Variants in SLCO3A1 observed in about 807,000 individuals in gnomAD.
SLCO3A1 encodes the protein PGE1 transporter.
In SLCO3A1, 27 loss-of-function variants were observed where a neutral mutation model predicts 63.1. The ratio of observed to expected loss-of-function variants is 0.43; its 90% CI spans 0.32 to 0.59. SLCO3A1 has a LOEUF of 0.59. Ranked by LOEUF, SLCO3A1 falls within the 20% of genes least tolerant of loss-of-function variation. The pLI is 0.09. For missense variants in SLCO3A1, 773 were observed against 945.8 expected (o/e 0.82, Z 2.40); for synonymous variants, 473 against 409.9 (o/e 1.15, Z -1.86).
At chr15:92,029,527 T>C (rs1053924682) in intron 2 of SLCO3A1, among the ~76,000 whole-genome samples, 1 of 152,196 alleles carries the variant, frequency 6.6e-6, no homozygotes, top group Admixed American at 6.5e-5. Context: ...TTTTGAAAAA[T>C]GTTTGTTTTC....
At chr15:91,943,369 G>A (rs565933016) in intron 2 of SLCO3A1, among the ~76,000 whole-genome samples, 1 of 152,238 alleles carries the variant, frequency 6.6e-6, no homozygotes, top group East Asian at 1.9e-4. Context: ...ACTTCACTTA[G>A]TATCATGTCC....
intron 2 of SLCO3A1, among the ~76,000 whole-genome samples, chr15:92,068,624 T>C (rs544044038): frequency 6.6e-6 from 1 of 152,316 alleles, no homozygotes; most frequent in Admixed American, 6.5e-5. Flanking sequence ...CCAGTCACTT[T>C]GATCAAGACA....
At chr15:91,986,383 C>T (rs1472771035) in intron 2 of SLCO3A1, among the ~76,000 whole-genome samples, 1 of 152,140 alleles carries the variant, frequency 6.6e-6, no homozygotes, top group East Asian at 1.9e-4. Flanking sequence ...AGGATCCTTT[C>T]CTTCCATCCT....
intron 2 of SLCO3A1, among the ~76,000 whole-genome samples, chr15:92,031,812 A>T (rs1409726548): frequency 6.6e-6 from 1 of 151,656 alleles, no homozygotes; most frequent in Non-Finnish European, 1.5e-5. Flanking sequence ...AAATGATTCA[A>T]TTGCACTATT....
chr15:92,062,762 G>A (rs988110565), intron 2 of SLCO3A1, among the ~76,000 whole-genome samples: 7 of 152,176 alleles, frequency 4.6e-5, no homozygotes, highest in African/African-American at 9.7e-5. Context: ...CACTTGGAGC[G>A]TGGCTGTGGG....
intron 2 of SLCO3A1, among the ~76,000 whole-genome samples, chr15:92,079,832 G>A (rs980118488): frequency 6.6e-6 from 1 of 152,244 alleles, no homozygotes; most frequent in Admixed American, 6.5e-5. Context: ...AAGGTCCTGC[G>A]GTCTCTGCAC....
At position 92,034,065 on chromosome 15, in the gene SLCO3A1, G is replaced by A. The variant is rs557395776; in HGVS notation, c.647-60816G>A. 2.6e-5 allele frequency among the ~76,000 whole-genome samples: 4 copies of A among 151,876 alleles called. 1 individual carries two copies. The highest frequency in any genetic ancestry group is 5.9e-5 in the Non-Finnish European group (4 of 67,912). ...AGAAGGACCTGGGAAGCCATTGCAGGGTGCTGAGCAGAGAAGCGACATGGT... is the reference window on the plus strand; with the variant it reads ...AGAAGGACCTGGGAAGCCATTGCAGAGTGCTGAGCAGAGAAGCGACATGGT... On this transcript the variant is annotated intron_variant, in intron 2 of 9. Coordinates refer to ENST00000318445, the MANE Select transcript of SLCO3A1 (RefSeq NM_013272.4).
intron 7 of SLCO3A1, among the ~76,000 whole-genome samples, chr15:92,135,149 G>C (rs1292420953): frequency 6.6e-6 from 1 of 152,138 alleles, no homozygotes; most frequent in Non-Finnish European, 1.5e-5. Flanking sequence ...GGCAGGTTTG[G>C]AGTTGGAAGA....
At chr15:92,064,578 C>G (rs892918919) in intron 2 of SLCO3A1, among the ~76,000 whole-genome samples, 3 of 152,120 alleles carry the variant, frequency 2.0e-5, no homozygotes, top group Non-Finnish European at 4.4e-5. Flanking sequence ...AGTTTCAAGT[C>G]TTACATTCAA....
chr15:91,934,522 A>G (rs888373047), intron 2 of SLCO3A1, among the ~76,000 whole-genome samples: 1 of 152,132 alleles, frequency 6.6e-6, no homozygotes, highest in Non-Finnish European at 1.5e-5. Flanking sequence ...TTTTTAATAC[A>G]TTTGCCAGTA....
At chr15:92,016,097 A>C (rs1016416040) in intron 2 of SLCO3A1, among the ~76,000 whole-genome samples, 4 of 151,530 alleles carry the variant, frequency 2.6e-5, no homozygotes, top group African/African-American at 9.8e-5. Flanking sequence ...CCAAGAAGAG[A>C]GTTAGACATT....
chr15:92,038,463 C>G (rs2046754720), intron 2 of SLCO3A1, among the ~76,000 whole-genome samples: 1 of 152,084 alleles, frequency 6.6e-6, no homozygotes, highest in Non-Finnish European at 1.5e-5. Context: ...CAACAATAGA[C>G]AAGCAGAGAG....
At chr15:92,016,696 T>A (rs890731498) in intron 2 of SLCO3A1, among the ~76,000 whole-genome samples, 1 of 151,464 alleles carries the variant, frequency 6.6e-6, no homozygotes, top group African/African-American at 2.4e-5. Context: ...TTCCAGAGAG[T>A]TATCAAAGCA....
rs1290909751 is a variant in SLCO3A1 at position 91,906,911 on chromosome 15, AAGCAATTAAATTG to A, written c.181-9079_181-9067del. On this transcript the variant is annotated intron_variant, in intron 1 of 9. Coordinates refer to ENST00000318445, the MANE Select transcript of SLCO3A1 (RefSeq NM_013272.4). Reference sequence around the variant, plus strand: ...ATCAATGATGAGATTTATGAGTAGGAAGCAATTAAATTGAGTGTTTTTTTTTTTTTAAAGAGAC... The same window carrying A: ...ATCAATGATGAGATTTATGAGTAGGAAGTGTTTTTTTTTTTTTAAAGAGAC... Among the ~76,000 whole-genome samples, 6 of 133,790 alleles carry A rather than the reference AAGCAATTAAATTG, an allele frequency of 4.5e-5. No homozygotes were observed. The Admixed American group carries it at 4.6e-4, about 10-fold the overall frequency. 87.8% of individuals were successfully genotyped at this position (133,790 alleles called of 152,430 possible).
At chr15:91,975,824 A>AC (rs1361421900) in intron 2 of SLCO3A1, among the ~76,000 whole-genome samples, 4 of 152,228 alleles carry the variant, frequency 2.6e-5, no homozygotes, top group Non-Finnish European at 5.9e-5. Context: ...CCTAGCACAC[A>AC]CCAGCCTGAA....
At chr15:92,118,066 A>G (rs1410636829) in intron 4 of SLCO3A1, among the ~76,000 whole-genome samples, 2 of 152,258 alleles carry the variant, frequency 1.3e-5, no homozygotes, top group Non-Finnish European at 2.9e-5. Context: ...CCTTGTAAAA[A>G]TAGACAAAAC....
chr15:92,003,157 A>C (rs2046274937), intron 2 of SLCO3A1, among the ~76,000 whole-genome samples: 1 of 152,064 alleles, frequency 6.6e-6, no homozygotes, highest in African/African-American at 2.4e-5. Context: ...AAACATTCTG[A>C]TAGGAAGGGC....
At chr15:92,115,332 C>T (rs1212277407) in intron 4 of SLCO3A1, among the ~76,000 whole-genome samples, 3 of 151,804 alleles carry the variant, frequency 2.0e-5, no homozygotes, top group East Asian at 3.9e-4. Context: ...TATGGCTGCC[C>T]CACTTCACCT....
chr15:92,053,697 T>TTTG (rs1481562454), intron 2 of SLCO3A1, among the ~76,000 whole-genome samples: 90 of 15,260 alleles, frequency 5.9e-3, no homozygotes, highest in African/African-American at 8.6e-3. Context: ...TGTTTGTTTG[T>TTTG]TTTTTTTTTT....
Sources: gnomAD v4.1 joint callset for allele counts (sites outside exome capture counted in the v4.1 genomes callset) on GRCh38, gnomAD v4.1.1 for gene constraint, MANE v1.5 for transcripts, NCBI Gene and HGNC (gene_info 2026-07-23, HGNC 2026-07-21) for gene names.